Variants in CLCN6 observed in about 807,000 individuals in gnomAD.
CLCN6 encodes Cl-/H+ antiporter 6, also known as H(+)/Cl(-) exchange transporter 6.
In CLCN6, 70 loss-of-function variants were observed where a neutral mutation model predicts 109.8. The observed-to-expected ratio is 0.64, with a 90% CI of 0.53 to 0.78. The LOEUF is 0.78. Among genes scored for constraint, CLCN6 ranks in the 30% least tolerant of loss-of-function variants. CLCN6 has a pLI of 0.00. For missense variants in CLCN6, 984 were observed against 1,142.3 expected (o/e 0.86, Z 2.00); for synonymous variants, 444 against 447.8 (o/e 0.99, Z 0.11).
chr1:11,822,022 TACAC>T (rs1237768758), intron 5 of CLCN6, among the ~76,000 whole-genome samples: 4 of 151,794 alleles, frequency 2.6e-5, no homozygotes, highest in African/African-American at 7.3e-5. Flanking sequence ...ACTTTTGAAA[TACAC>T]ACAATAATTT....
At chr1:11,826,249 AAAC>A (rs1283004576) in intron 9 of CLCN6, 35 bp downstream of exon 9, 3 of 1,557,130 alleles carry the variant, frequency 1.9e-6, no homozygotes, top group African/African-American at 1.4e-5. Context: ...TCTTTTTTGG[AAAC>A]AACATGTTCA....
chr1:11,827,017 A>G, intron 9 of CLCN6, 72 bp from the exon 10 acceptor site: 2 of 1,567,210 alleles, frequency 1.3e-6, no homozygotes, highest in Non-Finnish European at 1.7e-6. Flanking sequence ...TGTTCATGAT[A>G]AGGAAGTCAG....
At chr1:11,813,721 C>CA (rs1201469048) in intron 2 of CLCN6, among the ~76,000 whole-genome samples, 1 of 152,138 alleles carries the variant, frequency 6.6e-6, no homozygotes, top group Non-Finnish European at 1.5e-5. Flanking sequence ...AAAAGCACAC[C>CA]ATTTGTGCTA....
At position 11,824,507 on chromosome 1, in the gene CLCN6, G is replaced by T. The variant is rs149647864; in HGVS notation, c.602G>T (p.Gly201Val). 3 of 1,613,692 alleles carry T rather than the reference G, an allele frequency of 1.9e-6. No individual in the cohort carries two copies. The highest frequency in any genetic ancestry group is 2.5e-6 in the Non-Finnish European group (3 of 1,179,742). Residue 201 changes from glycine (G) to valine (V), a missense_variant, in exon 8 of 23, where the codon GGC becomes GTC. Transcript: ENST00000346436. ...VAGGLFVEKE[G>V]PMIHSGSVVG... Reference sequence around the variant, plus strand: ...CCAGGGCTCTTCGTGGAGAAGGAAGGCCCCATGATCCACAGTGGTTCGGTG... The same window carrying T: ...CCAGGGCTCTTCGTGGAGAAGGAAGTCCCCATGATCCACAGTGGTTCGGTG...
chr1:11,837,172 G>T lies in CLCN6; in HGVS notation c.2138+16G>T, dbSNP rs572958366. On this transcript the variant is annotated intron_variant, in intron 19 of 22. Coordinates refer to ENST00000346436, the MANE Select transcript of CLCN6 (RefSeq NM_001286.5). Reference sequence around the variant, plus strand: ...TGGAAAGGAGGTGAGAGCCTGGCGGGGCCCCCACTGCCCGCAGGGCTACAC... The same window carrying T: ...TGGAAAGGAGGTGAGAGCCTGGCGGTGCCCCCACTGCCCGCAGGGCTACAC... 1.9e-5 allele frequency: 30 copies of T among 1,611,122 alleles called. No individual in the cohort carries two copies. The South Asian group carries it at 2.5e-4, about 14-fold the overall frequency.
intron 1 of CLCN6, chr1:11,806,880 C>T: frequency 2.2e-6 from 1 of 449,442 alleles, no homozygotes; most frequent in Non-Finnish European, 4.0e-6. Flanking sequence ...TGGCGTTGGA[C>T]ATCTTTGAGG....
chr1:11,829,199 C>G lies in CLCN6; in HGVS notation c.1125C>G (p.Val375=). 2 of 1,613,962 alleles carry G rather than the reference C, an allele frequency of 1.2e-6. No individual in the cohort carries two copies. The highest frequency in any genetic ancestry group is 1.7e-4 in the Middle Eastern group (1 of 6,028). Residue 375 remains valine, a synonymous_variant, in exon 13 of 23, where the codon GTC becomes GTG. Coordinates refer to ENST00000346436, the MANE Select transcript of CLCN6 (RefSeq NM_001286.5). The part of the protein sequence containing the change: ...NVHPKPKLVR[V]LESLLVSLVT... ...ACAGCTGTGCTTTGCCTCCTAGAGT[C>G]TTAGAGAGCCTCCTTGTGTCTCTGG... is the stretch of plus-strand genomic sequence containing the variant.
intron 20 of CLCN6, 52 bp from the exon 21 acceptor site, chr1:11,838,283 C>G (rs1644974951): frequency 1.3e-6 from 2 of 1,534,086 alleles, no homozygotes. Flanking sequence ...CTAAGGTGAC[C>G]CTGCTGGCCA....
At chr1:11,811,417 T>C (rs1173503751) in intron 2 of CLCN6, among the ~76,000 whole-genome samples, 2 of 151,734 alleles carry the variant, frequency 1.3e-5, no homozygotes, top group Non-Finnish European at 1.5e-5. Context: ...AGTTTCGCTC[T>C]TGTTGCCCAG....
At chr1:11,820,626 G>A (rs1644728898) in intron 5 of CLCN6, 2 of 368,420 alleles carry the variant, frequency 5.4e-6, no homozygotes, top group East Asian at 1.0e-4. Context: ...AATTAGCTGG[G>A]CGTGGCGGTG....
intron 1 of CLCN6, 118 bp from the exon 2 acceptor site, chr1:11,807,013 C>A: frequency 1.1e-6 from 1 of 885,014 alleles, no homozygotes; most frequent in Non-Finnish European, 1.8e-6. Context: ...AGGGCTGGTT[C>A]CTATTTGATA....
At chr1:11,816,845 CT>C (rs55875233) in intron 4 of CLCN6, among the ~76,000 whole-genome samples, 165 bp downstream of exon 4, 369 of 146,198 alleles carry the variant, frequency 2.5e-3, no homozygotes, top group Middle Eastern at 3.6e-3. Flanking sequence ...TCTTTTTTCC[CT>C]TTTTTTTTTT....
chr1:11,814,661 T>C (rs1644645258), intron 2 of CLCN6, among the ~76,000 whole-genome samples: 1 of 152,134 alleles, frequency 6.6e-6, no homozygotes, highest in African/African-American at 2.4e-5. Context: ...TTGTGATGCA[T>C]GTTGTAAAGG....
At chr1:11,838,256 C>A in intron 20 of CLCN6, 79 bp from the exon 21 acceptor site, 1 of 1,257,970 alleles carries the variant, frequency 7.9e-7, no homozygotes, top group Non-Finnish European at 1.1e-6. Context: ...CATATTCAGG[C>A]ATCAAGGGGA....
rs181396337 is a variant in CLCN6 at position 11,823,333 on chromosome 1, C to G, written c.454-374C>G. The stretch of plus-strand genomic sequence containing the variant: ...TAGCCGGTAAAAATACAAAATTAGC[C>G]GGGCGTGGTGGCGCATGCCTGTAAT... On this transcript the variant is annotated intron_variant, in intron 6 of 22. Transcript: ENST00000346436. Among the ~76,000 whole-genome samples the G allele has an allele frequency of 3.2e-3, 477 of 150,710 alleles. 3 individuals are homozygous for G. Among genetic ancestry groups the G allele is most frequent in the African/African-American group, 0.011 (443 of 40,622 alleles).
At position 11,834,549 on chromosome 1, in the gene CLCN6, C is replaced by A. The variant is rs138466618; in HGVS notation, c.1752C>A (p.Gly584=). ...GIYDIHVGLR[G]VPLLEWETEV... ...ATGATATCCACGTGGGCCTGCGAGG[C>A]GTGCCGCTTCTGGAATGGGAGACAG... The change falls in exon 17 of 23, where the codon GGC becomes GGA. Residue 584 remains glycine, a synonymous_variant. Coordinates refer to ENST00000346436, the MANE Select transcript of CLCN6 (RefSeq NM_001286.5). This position sits in a 1 kb window ranked among gnomAD's most constrained non-coding sequence, Gnocchi z 4.5. The A allele has an allele frequency of 9.9e-6, 16 of 1,614,086 alleles. No individual in the cohort carries two copies. The Admixed American group carries it at 2.5e-4, about 25-fold the overall frequency.
chr1:11,835,911 TC>T (rs1644937988), intron 17 of CLCN6, 55 bp from the exon 18 acceptor site: 14 of 1,540,640 alleles, frequency 9.1e-6, no homozygotes, highest in Non-Finnish European at 1.2e-5. Flanking sequence ...CACAGCTTGC[TC>T]CCAGGGGCCT....
chr1:11,829,802 A>G (rs1557428942), intron 13 of CLCN6: 3 of 166,954 alleles, frequency 1.8e-5, no homozygotes, highest in Non-Finnish European at 3.9e-5. Context: ...CCCTGGCATC[A>G]CAGAGGGCAA....
intron 10 of CLCN6, 82 bp downstream of exon 10, chr1:11,827,303 G>A: frequency 7.3e-7 from 1 of 1,362,652 alleles, no homozygotes; most frequent in South Asian, 1.4e-5. Context: ...TGGAATGGTA[G>A]TTTTGATGAG....
Sources: allele counts gnomAD v4.1 joint callset (sites outside exome capture counted in the v4.1 genomes callset), GRCh38; gene constraint gnomAD v4.1.1; non-coding constraint Gnocchi (gnomAD v3.1); transcripts MANE v1.5; gene names NCBI Gene and HGNC (gene_info 2026-07-23, HGNC 2026-07-21).